Variants in TUB observed in about 807,000 individuals in gnomAD.
TUB encodes TUB bipartite transcription factor.
A neutral mutation model predicts 59.7 loss-of-function variants in TUB; 33 were observed. The ratio of observed to expected loss-of-function variants is 0.55; its 90% CI spans 0.42 to 0.74. The LOEUF is 0.74. Ranked by LOEUF, TUB falls within the 30% of genes least tolerant of loss-of-function variation. The pLI is 0.00. For synonymous variants in TUB, 293 were observed against 256.4 expected (o/e 1.14, Z -1.36); for missense variants, 659 against 672.0 (o/e 0.98, Z 0.21).
chr11:8,021,893 G>T (rs11041713), intron 1 of TUB, among the ~76,000 whole-genome samples: 20,185 of 149,228 alleles, frequency 0.14, 1,602 homozygotes, highest in African/African-American at 0.18. Context: ...TCTAGCCTGG[G>T]CAACAGAGCG....
At chr11:8,019,804 G>C (rs1049568894) in intron 1 of TUB, among the ~76,000 whole-genome samples, 38 of 151,934 alleles carry the variant, frequency 2.5e-4, no homozygotes, top group African/African-American at 9.2e-4. Context: ...CCCTCCGCAG[G>C]GACCGAGGCT....
intron 1 of TUB, among the ~76,000 whole-genome samples, chr11:8,082,344 G>T (rs1943585344): frequency 6.6e-6 from 1 of 152,200 alleles, no homozygotes; most frequent in South Asian, 2.1e-4. Flanking sequence ...AGGATGGCTG[G>T]GCTTTCCCAT....
chr11:8,086,125 C>A (rs992639742), intron 1 of TUB, among the ~76,000 whole-genome samples: 1 of 152,222 alleles, frequency 6.6e-6, no homozygotes, highest in African/African-American at 2.4e-5. Context: ...AGCTGAAAGA[C>A]CTATCCATCA....
intron 2 of TUB, among the ~76,000 whole-genome samples, chr11:8,069,568 C>T (rs1164532272): frequency 1.3e-5 from 2 of 152,170 alleles, no homozygotes; most frequent in Non-Finnish European, 2.9e-5. Flanking sequence ...GGGATTGGTG[C>T]TCCTCTCATT....
At chr11:8,020,034 C>T (rs1323501020) in intron 1 of TUB, among the ~76,000 whole-genome samples, 1 of 152,220 alleles carries the variant, frequency 6.6e-6, no homozygotes, top group African/African-American at 2.4e-5. Flanking sequence ...GAGTCATCCT[C>T]CCAGGCGAAA....
At chr11:8,075,859 A>G (rs184419862) in intron 2 of TUB, 6 of 152,300 alleles carry the variant, frequency 3.9e-5, no homozygotes, top group Admixed American at 1.3e-4. Flanking sequence ...GGTAGGTAGG[A>G]GAGGAGATGG....
At chr11:8,051,954 G>T (rs1275033476) in intron 2 of TUB, among the ~76,000 whole-genome samples, 1 of 152,148 alleles carries the variant, frequency 6.6e-6, no homozygotes, top group South Asian at 2.1e-4. Context: ...TCAGTATTTT[G>T]AAAGGCCATC....
At chr11:8,036,345 T>C (rs1324079802), upstream of TUB, among the ~76,000 whole-genome samples, 1 of 152,210 alleles carries the variant, frequency 6.6e-6, no homozygotes, top group African/African-American at 2.4e-5. Flanking sequence ...TCTATTTTCC[T>C]GCAGATAGGA....
intron 1 of TUB, among the ~76,000 whole-genome samples, chr11:8,030,177 A>G (rs1942550538): frequency 6.6e-6 from 1 of 152,166 alleles, no homozygotes; most frequent in Admixed American, 6.5e-5. Flanking sequence ...ATCATCAGGC[A>G]CTGTGGTTTT....
At chr11:8,041,346 G>A (rs991802619) in intron 2 of TUB, among the ~76,000 whole-genome samples, 1 of 152,182 alleles carries the variant, frequency 6.6e-6, no homozygotes, top group African/African-American at 2.4e-5. Flanking sequence ...ACACAGGGCT[G>A]TAAGTAGGGA....
chr11:8,045,424 T>C (rs188155647), intron 2 of TUB, among the ~76,000 whole-genome samples: 1 of 152,318 alleles, frequency 6.6e-6, no homozygotes, highest in Admixed American at 6.5e-5. Flanking sequence ...TAATTTTTGA[T>C]TAGATGATAA....
chr11:8,088,836 C>CAAGA (rs1217056044), intron 1 of TUB, among the ~76,000 whole-genome samples: 14 of 152,354 alleles, frequency 9.2e-5, no homozygotes, highest in African/African-American at 3.4e-4. Flanking sequence ...CTCCCTGTCC[C>CAAGA]AAGACTGGTG....
chr11:8,096,856 CG>C, intron 6 of TUB, 50 bp downstream of exon 6: 1 of 1,594,904 alleles, frequency 6.3e-7, no homozygotes, highest in East Asian at 2.2e-5. Context: ...ACTGCTCATC[CG>C]TTAGAGGTGG....
chr11:8,034,792 G>A (rs1317230164), upstream of TUB, among the ~76,000 whole-genome samples: 1 of 152,056 alleles, frequency 6.6e-6, no homozygotes, highest in East Asian at 1.9e-4. Context: ...CCCCTTAGCA[G>A]ACAACCTGAC....
chr11:8,042,835 A>G (rs1248292910), intron 2 of TUB, among the ~76,000 whole-genome samples: 1 of 152,162 alleles, frequency 6.6e-6, no homozygotes, highest in Non-Finnish European at 1.5e-5. Flanking sequence ...ATTCTAGGTA[A>G]AAACAAGACC....
At chr11:8,041,425 A>G (rs370401704) in intron 2 of TUB, among the ~76,000 whole-genome samples, 1 of 152,282 alleles carries the variant, frequency 6.6e-6, no homozygotes, top group African/African-American at 2.4e-5. Flanking sequence ...GTAGGTTTGG[A>G]ATAGTCATAA....
At position 8,022,115 on chromosome 11, in the gene TUB, A is replaced by G. The variant is rs76441740; in HGVS notation, c.56+2757A>G. ...TATCCAGGGGTAGGACCTGGGCTCA[A>G]TGTTTGTTTAAAACTTCGCAGTTGA... On this transcript the variant is annotated intron_variant, in intron 1 of 11. Transcript: ENST00000534099. 4.8e-4 allele frequency among the ~76,000 whole-genome samples: 73 copies of G among 152,254 alleles called. 1 individual carries two copies. The East Asian group carries it at 0.013, about 28-fold the overall frequency.
At chr11:8,035,299 T>C (rs570722206), upstream of TUB, 1 of 152,282 alleles carries the variant, frequency 6.6e-6, no homozygotes, top group Admixed American at 6.5e-5. Context: ...CAGTCTTGTT[T>C]ATCATGGACA....
intron 1 of TUB, chr11:8,039,154 C>T (rs770060208): frequency 1.6e-6 from 2 of 1,233,130 alleles, no homozygotes; most frequent in Non-Finnish European, 2.2e-6. Context: ...TGCTGCTCCC[C>T]TATCACCACG....
Sources: gnomAD v4.1 joint callset for allele counts (sites outside exome capture counted in the v4.1 genomes callset) on GRCh38, gnomAD v4.1.1 for gene constraint, MANE v1.5 for transcripts, NCBI Gene and HGNC (gene_info 2026-07-23, HGNC 2026-07-21) for gene names.